The following CLSTN2 variants were observed in gnomAD, a reference collection of about 807,000 sequenced individuals.
CLSTN2 encodes the protein calsyntenin-2.
A neutral mutation model predicts 101.2 loss-of-function variants in CLSTN2; 48 were observed. The ratio of observed to expected loss-of-function variants is 0.47; its 90% CI spans 0.38 to 0.60. CLSTN2 has a LOEUF of 0.60. Ranked by LOEUF, CLSTN2 falls within the 20% of genes least tolerant of loss-of-function variation. The pLI is 0.00. For missense variants in CLSTN2, 1,160 were observed against 1,238.2 expected, an observed-to-expected ratio of 0.94 and a Z score of 0.95; for synonymous variants, 481 against 463.6, an observed-to-expected ratio of 1.04 and a Z score of -0.48.
intron 12 of CLSTN2, among the ~76,000 whole-genome samples, chr3:140,561,094 A>T (rs1000386240): frequency 2.0e-5 from 3 of 151,942 alleles, no homozygotes; most frequent in Non-Finnish European, 4.4e-5. Context: ...AATTTTTTAA[A>T]TTTCTGTTTT....
chr3:140,515,943 C>A (rs530759077), intron 8 of CLSTN2, among the ~76,000 whole-genome samples: 1 of 151,950 alleles, frequency 6.6e-6, no homozygotes, highest in Non-Finnish European at 1.5e-5. Context: ...AATATTAAAG[C>A]CCCCACTATT....
chr3:140,518,007 T>TG (rs1362818375), intron 8 of CLSTN2, among the ~76,000 whole-genome samples: 3 of 152,044 alleles, frequency 2.0e-5, no homozygotes, highest in Non-Finnish European at 4.4e-5. Flanking sequence ...GTGGCTGCCT[T>TG]GGGGGATGGG....
chr3:139,977,750 C>A (rs1487767397), intron 1 of CLSTN2, among the ~76,000 whole-genome samples: 1 of 152,158 alleles, frequency 6.6e-6, no homozygotes, highest in South Asian at 2.1e-4. Context: ...GCAGCCTGGG[C>A]ATTGCAGAAG....
intron 1 of CLSTN2, among the ~76,000 whole-genome samples, chr3:140,069,812 G>C (rs1259478868): frequency 1.3e-5 from 2 of 152,172 alleles, no homozygotes; most frequent in Non-Finnish European, 2.9e-5. Flanking sequence ...TCAGCAGGGG[G>C]CACTGGCAGG....
In CLSTN2 at chr3:139,978,641, TGGGGGATTGTGTGTGTGTG is replaced by T. The variant is rs1460355239; in HGVS notation, c.109+43159_109+43177del. Among the ~76,000 whole-genome samples the T allele has an allele frequency of 4.4e-3, 560 of 126,260 alleles. 2 individuals carry two copies. The highest frequency in any genetic ancestry group is 0.016 in the African/African-American group (520 of 31,980). 82.8% of individuals were successfully genotyped at this position (126,260 alleles called of 152,430 possible). On this transcript the variant is annotated intron_variant, in intron 1 of 16. Coordinates refer to ENST00000458420, the MANE Select transcript of CLSTN2 (RefSeq NM_022131.3). Reference sequence around the variant, plus strand: ...CTAACTCTGCTGGGAGGATGGGGGATGGGGGATTGTGTGTGTGTGTGTGTGTGTGTGTGTGTGTGTGTGT... The same window carrying T: ...CTAACTCTGCTGGGAGGATGGGGGATTGTGTGTGTGTGTGTGTGTGTGTGT...
intron 2 of CLSTN2, among the ~76,000 whole-genome samples, chr3:140,234,908 C>T (rs1046964559): frequency 6.6e-6 from 1 of 152,136 alleles, no homozygotes; most frequent in African/African-American, 2.4e-5. Context: ...GCAGCAGCTC[C>T]ATCTTCTGCA....
chr3:140,519,432 T>C lies in CLSTN2; in HGVS notation c.1345-12892T>C, dbSNP rs545815699. On this transcript the variant is annotated intron_variant, in intron 8 of 16. Transcript: ENST00000458420. ...GGTTGGTTAAAGTCTCTCGCTATTA[T>C]TGTTAAAATCTCTCGCTATTATTGT... 3.3e-5 allele frequency among the ~76,000 whole-genome samples: 5 copies of C among 152,274 alleles called. No homozygotes were observed. In the South Asian group the frequency reaches 1.0e-3, roughly 32 times the overall value.
intron 1 of CLSTN2, among the ~76,000 whole-genome samples, chr3:139,998,733 C>A (rs1241815122): frequency 5.3e-5 from 8 of 152,034 alleles, no homozygotes; most frequent in African/African-American, 1.7e-4. Context: ...TAAATCAAGA[C>A]CAGGGCAGGA....
intron 2 of CLSTN2, among the ~76,000 whole-genome samples, chr3:140,372,222 G>A (rs960229653): frequency 2.6e-5 from 4 of 152,154 alleles, no homozygotes; most frequent in African/African-American, 9.6e-5. Context: ...CTTCCTCAGA[G>A]CATCTTGAGA....
chr3:140,304,443 T>C (rs2087092388), intron 2 of CLSTN2, among the ~76,000 whole-genome samples: 1 of 152,214 alleles, frequency 6.6e-6, no homozygotes, highest in Admixed American at 6.5e-5. Context: ...GGCTTGCAGA[T>C]GGCCATCTTC....
chr3:140,250,101 T>C (rs2086549465), intron 2 of CLSTN2, among the ~76,000 whole-genome samples: 1 of 152,224 alleles, frequency 6.6e-6, no homozygotes, highest in Non-Finnish European at 1.5e-5. Flanking sequence ...ATAACTTGTT[T>C]TTTGGAGGGA....
intron 7 of CLSTN2, chr3:140,460,473 C>T (rs1049135854): frequency 6.6e-6 from 1 of 152,248 alleles, no homozygotes; most frequent in Non-Finnish European, 1.5e-5. Flanking sequence ...CAGAACAGTG[C>T]CTGGCACAAA....
intron 6 of CLSTN2, among the ~76,000 whole-genome samples, chr3:140,458,886 C>A (rs1210488604): frequency 1.3e-5 from 2 of 152,216 alleles, no homozygotes; most frequent in African/African-American, 4.8e-5. Flanking sequence ...TGCCAGGTGT[C>A]AAATTCAATT....
At position 140,253,325 on chromosome 3, in the gene CLSTN2, T is replaced by G. The variant is rs1009518497; in HGVS notation, c.232+77252T>G. On this transcript the variant is annotated intron_variant, in intron 2 of 16. Coordinates refer to ENST00000458420, the MANE Select transcript of CLSTN2 (RefSeq NM_022131.3). ...CCAGGTTCTTCCATGGCTCCGAAGG[T>G]GGACCACAGGAGCTTTCTCCATCCC... 3.5e-4 allele frequency among the ~76,000 whole-genome samples: 53 copies of G among 152,262 alleles called. 1 individual carries two copies. The highest frequency in any genetic ancestry group is 2.9e-3 in the Admixed American group (44 of 15,290).
chr3:140,005,593 T>C (rs2006938573), intron 1 of CLSTN2, among the ~76,000 whole-genome samples: 1 of 152,178 alleles, frequency 6.6e-6, no homozygotes, highest in Admixed American at 6.5e-5. Context: ...ACTGAATGCA[T>C]GGGAGTAAGT....
chr3:140,520,395 G>A (rs1488555532), intron 8 of CLSTN2, among the ~76,000 whole-genome samples: 1 of 152,162 alleles, frequency 6.6e-6, no homozygotes, highest in Non-Finnish European at 1.5e-5. Context: ...TATAATCATG[G>A]TGAAAGGCAA....
At chr3:140,484,261 T>C (rs1237057933) in intron 8 of CLSTN2, among the ~76,000 whole-genome samples, 1 of 152,176 alleles carries the variant, frequency 6.6e-6, no homozygotes, top group African/African-American at 2.4e-5. Context: ...GGGTTGAAAA[T>C]TCTTTTCTTT....
At chr3:139,953,448 G>A (rs939980013) in intron 1 of CLSTN2, among the ~76,000 whole-genome samples, 2 of 152,150 alleles carry the variant, frequency 1.3e-5, no homozygotes, top group Admixed American at 6.5e-5. Flanking sequence ...GTAGCTGTCA[G>A]TGCTGTGCCT....
chr3:140,107,893 A>G (rs1878979), intron 1 of CLSTN2, among the ~76,000 whole-genome samples: 43,251 of 152,094 alleles, frequency 0.28, 6,542 homozygotes, highest in East Asian at 0.52. Context: ...TCAGTTTGAT[A>G]GCTAAGAAGA....
Sources: allele counts gnomAD v4.1 joint callset (sites outside exome capture counted in the v4.1 genomes callset), GRCh38; gene constraint gnomAD v4.1.1; transcripts MANE v1.5; gene names NCBI Gene and HGNC (gene_info 2026-07-23, HGNC 2026-07-21).